The following ZNHIT3 variants were observed in gnomAD, a reference collection of about 807,000 sequenced individuals.
ZNHIT3 encodes the protein zinc finger HIT domain-containing protein 3.
Under a neutral mutation model 19.9 loss-of-function variants are expected in ZNHIT3, and 27 were observed. That is an observed-to-expected ratio of 1.36 (90% CI 1.00 to 1.87). ZNHIT3 has a LOEUF of 1.87. Ranked by LOEUF, ZNHIT3 falls within the 40% of genes most tolerant of loss-of-function variation. ZNHIT3 has a pLI of 0.00. For missense variants in ZNHIT3, 215 were observed against 185.6 expected, an observed-to-expected ratio of 1.16 and a Z score of -0.92; for synonymous variants, 81 against 65.7, an observed-to-expected ratio of 1.23 and a Z score of -1.13.
chr17:36,487,668 G>T (rs954196723), intron 2 of ZNHIT3, among the ~76,000 whole-genome samples: 2 of 152,086 alleles, frequency 1.3e-5, no homozygotes, highest in Admixed American at 6.5e-5. Context: ...GTGCGCGCCT[G>T]TAATCCCAGC....
intron 3 of ZNHIT3, among the ~76,000 whole-genome samples, chr17:36,493,715 A>G (rs1329036785): frequency 6.6e-6 from 1 of 152,254 alleles, no homozygotes; most frequent in East Asian, 1.9e-4. Context: ...TAAAATCACC[A>G]ATTCTTTCAC....
intron 2 of ZNHIT3, among the ~76,000 whole-genome samples, chr17:36,488,808 C>A (rs2070654223): frequency 6.6e-6 from 1 of 152,204 alleles, no homozygotes; most frequent in African/African-American, 2.4e-5. Flanking sequence ...CCCAAATAAT[C>A]ATTTCTTCAT....
chr17:36,488,043 A>G (rs1343813482), intron 2 of ZNHIT3, among the ~76,000 whole-genome samples: 1 of 148,264 alleles, frequency 6.7e-6, no homozygotes, highest in Non-Finnish European at 1.5e-5. Flanking sequence ...GGTTGCAGTG[A>G]GCCAGGATCG....
At chr17:36,494,494 A>G (rs1411875589) in intron 4 of ZNHIT3, among the ~76,000 whole-genome samples, 2 of 152,220 alleles carry the variant, frequency 1.3e-5, no homozygotes, top group African/African-American at 4.8e-5. Context: ...TTAGGGGGAA[A>G]CAGGTGTTGC....
At chr17:36,496,681 T>C (rs1479961447), downstream of ZNHIT3, among the ~76,000 whole-genome samples, 1 of 152,180 alleles carries the variant, frequency 6.6e-6, no homozygotes, top group African/African-American at 2.4e-5. Context: ...AGCAGGCCTG[T>C]GTGTTTTCAT....
Position 36,495,800 on chromosome 17 carries a change from AAATC to A in ZNHIT3, c.*399_*402del. The A allele has an allele frequency of 8.1e-7, 1 of 1,240,726 alleles. No homozygotes were observed. The highest frequency in any genetic ancestry group is 1.0e-6 in the Non-Finnish European group (1 of 992,634). The allele number at this position is 1,240,726 out of a possible 1,614,324, so 76.9% of individuals were successfully genotyped here. A position where few individuals can be genotyped will look rare whatever the true frequency, so the allele number is the denominator to read the frequency against. ...TTAATTGTTTGAAATTACATTAAAT[AAATC>A]AACTAATTAAATACTAAAGTTTTGT... On this transcript the variant is annotated 3_prime_UTR_variant, in exon 5 of 5. Coordinates refer to ENST00000617429, the MANE Select transcript of ZNHIT3 (RefSeq NM_004773.4).
downstream of ZNHIT3, chr17:36,495,996 G>A: frequency 1.3e-6 from 1 of 792,320 alleles, no homozygotes; most frequent in Non-Finnish European, 1.8e-6. Flanking sequence ...TGAAGGTAGT[G>A]AAATGTGGCC....
rs371328466 is a variant in ZNHIT3 at position 36,486,688 on chromosome 17, T to C, written c.-12T>C. On this transcript the variant is annotated 5_prime_UTR_variant, in exon 1 of 5. Transcript: ENST00000617429. Reference sequence around the variant, plus strand: ...CGCGGCGGCGCAGTGAACAGTCTCCTTCCACAAAACCATGGCGTCGCTCAA... The same window carrying C: ...CGCGGCGGCGCAGTGAACAGTCTCCCTCCACAAAACCATGGCGTCGCTCAA... The C allele has an allele frequency of 6.2e-7, 1 of 1,613,710 alleles. No homozygotes were observed. The highest frequency in any genetic ancestry group is 8.5e-7 in the Non-Finnish European group (1 of 1,179,770).
intron 3 of ZNHIT3, chr17:36,493,232 T>C: frequency 2.7e-6 from 1 of 369,324 alleles, no homozygotes; most frequent in East Asian, 5.6e-5. Flanking sequence ...TGGCTGGGAC[T>C]GTCAGTTCAC....
At chr17:36,499,266 G>T (rs188534455), downstream of ZNHIT3, 18 of 554,146 alleles carry the variant, frequency 3.2e-5, no homozygotes, top group Non-Finnish European at 4.5e-5. Flanking sequence ...TTTCAAATAC[G>T]TTTTTTTTTT....
chr17:36,487,557 G>A (rs1388466206), intron 2 of ZNHIT3, among the ~76,000 whole-genome samples: 2 of 152,210 alleles, frequency 1.3e-5, no homozygotes, highest in Non-Finnish European at 2.9e-5. Flanking sequence ...ACTTTGAGAG[G>A]CCAAGGCGGG....
chr17:36,496,000 T>TCTCG, downstream of ZNHIT3: 1 of 786,440 alleles, frequency 1.3e-6, no homozygotes, highest in East Asian at 2.9e-5. Flanking sequence ...GGTAGTGAAA[T>TCTCG]GTGGCCCTGA....
chr17:36,493,155 G>A (rs2070766995), intron 3 of ZNHIT3: 1 of 542,750 alleles, frequency 1.8e-6, no homozygotes, highest in Admixed American at 3.3e-5. Context: ...TGGTTTGGGG[G>A]TTTGCGGTGG....
chr17:36,486,723 C>G lies in ZNHIT3; in HGVS notation c.24C>G (p.Thr8=). Residue 8 remains threonine (T), a synonymous_variant, in exon 1 of 5, where the codon ACC becomes ACG. Transcript: ENST00000617429. MASLKCS[T]VVCVICLEKP... is the part of the protein sequence containing the mutation. ...CCATGGCGTCGCTCAAATGTAGCAC[C>G]GTCGTCTGCGTGATCTGCTTGGAGA... 6.2e-7 allele frequency: 1 copy of G among 1,613,880 alleles called. No homozygotes were observed. The highest frequency in any genetic ancestry group is 1.6e-4 in the Middle Eastern group (1 of 6,062).
At chr17:36,494,048 C>A in intron 4 of ZNHIT3, 42 bp downstream of exon 4, 2 of 1,470,042 alleles carry the variant, frequency 1.4e-6, no homozygotes, top group Non-Finnish European at 1.9e-6. Context: ...GATACATTTA[C>A]TGTGTTGTAA....
downstream of ZNHIT3, chr17:36,496,277 A>C: frequency 6.2e-7 from 1 of 1,614,052 alleles, no homozygotes; most frequent in Non-Finnish European, 8.5e-7. Flanking sequence ...AAGGCAGAAG[A>C]GGTCACGTGG....
chr17:36,493,161 G>C, intron 3 of ZNHIT3: 1 of 528,250 alleles, frequency 1.9e-6, no homozygotes, highest in Admixed American at 3.3e-5. Context: ...GGGGGTTTGC[G>C]GTGGGCCCTG....
chr17:36,498,344 G>A (rs781533789), downstream of ZNHIT3: 10 of 1,614,008 alleles, frequency 6.2e-6, no homozygotes, highest in Admixed American at 5.0e-5. Context: ...GGCTGCCCCT[G>A]GGGAGCTGGA....
downstream of ZNHIT3, chr17:36,497,587 A>G (rs948247925): frequency 2.0e-6 from 2 of 979,574 alleles, no homozygotes; most frequent in Non-Finnish European, 2.4e-6. Flanking sequence ...CCCTAAACCA[A>G]ACTTTTTTTT....
Sources: gnomAD v4.1 joint callset for allele counts (sites outside exome capture counted in the v4.1 genomes callset) on GRCh38, gnomAD v4.1.1 for gene constraint, MANE v1.5 for transcripts, NCBI Gene and HGNC (gene_info 2026-07-23, HGNC 2026-07-21) for gene names.